Variants in DDIAS observed in about 807,000 individuals in gnomAD.
DDIAS encodes DNA damage induced apoptosis suppressor.
DDIAS carries 14 observed loss-of-function variants against 15.7 expected under a neutral mutation model. That is an observed-to-expected ratio of 0.89 (90% CI 0.59 to 1.39). DDIAS has a LOEUF of 1.39. Ranked by LOEUF, DDIAS falls within the 40% of genes most tolerant of loss-of-function variation. The pLI, the probability that DDIAS is intolerant of heterozygous loss-of-function variation, is 0.00. For missense variants in DDIAS, 1,035 were observed against 1,130.9 expected (o/e 0.92, Z 1.22); for synonymous variants, 355 against 395.9 (o/e 0.90, Z 1.23).
chr11:82,917,524 A>C (rs1023460290), intron 3 of DDIAS, among the ~76,000 whole-genome samples: 53 of 152,272 alleles, frequency 3.5e-4, no homozygotes, highest in African/African-American at 1.3e-3. Context: ...TATATACCAC[A>C]GTTTCTTTAT....
At chr11:82,915,455 T>C (rs1860612401) in intron 3 of DDIAS, among the ~76,000 whole-genome samples, 1 of 152,168 alleles carries the variant, frequency 6.6e-6, no homozygotes, top group Non-Finnish European at 1.5e-5. Flanking sequence ...AGTAAGTAAC[T>C]AGAACTATGT....
At chr11:82,919,353 T>A (rs1283705990) in intron 3 of DDIAS, among the ~76,000 whole-genome samples, 1 of 152,236 alleles carries the variant, frequency 6.6e-6, no homozygotes, top group Non-Finnish European at 1.5e-5. Flanking sequence ...ATTGAGATGA[T>A]CATGTGATTT....
intron 4 of DDIAS, among the ~76,000 whole-genome samples, chr11:82,929,945 T>C (rs1860948626): frequency 6.6e-6 from 1 of 152,206 alleles, no homozygotes; most frequent in South Asian, 2.1e-4. Context: ...GTTAGGCAGG[T>C]AACTACTTTA....
chr11:82,910,604 CTCTTTTTTTTTT>C (rs1274114376), intron 1 of DDIAS, among the ~76,000 whole-genome samples: 1 of 107,640 alleles, frequency 9.3e-6, no homozygotes, highest in Non-Finnish European at 1.7e-5. Flanking sequence ...CTCTCTCTCT[CTCTTTTTTTTTT>C]TTTTTTTTTT....
Position 82,932,962 on chromosome 11 carries a change from C to T in DDIAS, c.1624C>T (p.Leu542=). The change falls in exon 6 of 6, where the codon CTG becomes TTG. Residue 542 remains leucine, a synonymous_variant. Coordinates refer to ENST00000533655, the MANE Select transcript of DDIAS (RefSeq NM_145018.4). ...TTTACCGAATCCTTACCTGTCAGCTCTGTCTTCATCTTCAAAAGATTTAGA... is the reference window on the plus strand; with the variant it reads ...TTTACCGAATCCTTACCTGTCAGCTTTGTCTTCATCTTCAAAAGATTTAGA... ...YFLPNPYLSA[L]SSSSKDLETI... is the part of the protein sequence containing the mutation. The T allele has an allele frequency of 6.2e-7, 1 of 1,612,516 alleles. No individual in the cohort carries two copies. The highest frequency in any genetic ancestry group is 1.1e-5 in the South Asian group (1 of 90,988).
rs1196700862 is a variant in DDIAS at position 82,924,884 on chromosome 11, A to C, written c.114-3893A>C. ...GGTATTTTTTTAACTGGGATCAAAC[A>C]AAAAAGATAGCAAATTACAGCTATT... On this transcript the variant is annotated intron_variant, in intron 3 of 5. Coordinates refer to ENST00000533655, the MANE Select transcript of DDIAS (RefSeq NM_145018.4). Among the ~76,000 whole-genome samples, 3 of 152,194 alleles carry C rather than the reference A, an allele frequency of 2.0e-5. No homozygotes were observed. The East Asian group carries it at 5.8e-4, about 29-fold the overall frequency.
At chr11:82,906,418 A>G (rs1443902275) in intron 1 of DDIAS, among the ~76,000 whole-genome samples, 3 of 152,174 alleles carry the variant, frequency 2.0e-5, no homozygotes, top group African/African-American at 7.2e-5. Context: ...CTTTAAAAGT[A>G]TAGTAATAAG....
At chr11:82,905,181 T>G (rs1481007771) in intron 1 of DDIAS, among the ~76,000 whole-genome samples, 1 of 152,200 alleles carries the variant, frequency 6.6e-6, no homozygotes. Flanking sequence ...TTGACCTAGG[T>G]AATCCCTGGT....
intron 3 of DDIAS, among the ~76,000 whole-genome samples, chr11:82,921,332 C>G (rs1860740705): frequency 6.6e-6 from 1 of 152,020 alleles, no homozygotes; most frequent in African/African-American, 2.4e-5. Flanking sequence ...TATTCTGTAT[C>G]TTTTAAGTGG....
chr11:82,906,920 T>C (rs188332152), intron 1 of DDIAS, among the ~76,000 whole-genome samples: 1 of 152,188 alleles, frequency 6.6e-6, no homozygotes, highest in Non-Finnish European at 1.5e-5. Context: ...AAGATTAATA[T>C]CTGAAGTTCA....
intron 3 of DDIAS, among the ~76,000 whole-genome samples, chr11:82,926,110 C>G (rs543947466): frequency 1.8e-5 from 1 of 56,646 alleles, no homozygotes; most frequent in Non-Finnish European, 3.4e-5. Flanking sequence ...TTTTTTGAGA[C>G]AGGGTCTGGC....
rs1860991812 is a variant in DDIAS, at chr11:82,931,787, G to A, written c.449G>A (p.Cys150Tyr). 1.2e-6 allele frequency: 2 copies of A among 1,614,054 alleles called. No individual in the cohort carries two copies. The highest frequency in any genetic ancestry group is 1.7e-5 in the Admixed American group (1 of 59,990). ...GATGCCAGTAACTTCTTACAGCAAT[G>A]CTCTGACCACAAAAGAAAAGCCAAA... ...GSDASNFLQQ[C>Y]SDHKRKAKAL... is the part of the protein sequence containing the mutation. Residue 150 changes from cysteine (C) to tyrosine (Y), a missense_variant, in exon 6 of 6, where the codon TGC (cysteine) becomes TAC (tyrosine). Physicochemically the swap from Cys to Tyr is radical, Grantham distance 194. Coordinates refer to ENST00000533655, the MANE Select transcript of DDIAS (RefSeq NM_145018.4).
At chr11:82,928,504 G>A (rs1210250708) in intron 3 of DDIAS, among the ~76,000 whole-genome samples, 6 of 151,462 alleles carry the variant, frequency 4.0e-5, no homozygotes, top group Non-Finnish European at 7.4e-5. Flanking sequence ...CGGCCTTTTC[G>A]TCCTCTCTTT....
Position 82,932,255 on chromosome 11 carries a change from G to T in DDIAS, c.917G>T (p.Ser306Ile). 3 of 1,613,724 alleles carry T rather than the reference G, an allele frequency of 1.9e-6. No homozygotes were observed. The highest frequency in any genetic ancestry group is 2.5e-6 in the Non-Finnish European group (3 of 1,179,790). The change falls in exon 6 of 6, where the codon AGT becomes ATT. Residue 306 changes from serine to isoleucine, a missense_variant. Coordinates refer to ENST00000533655, the MANE Select transcript of DDIAS (RefSeq NM_145018.4). Reference protein sequence around the residue: ...WSLVSYMDKKSTAEKLGKELG... With the variant: ...WSLVSYMDKKITAEKLGKELG... ...CTTGTTTCATATATGGATAAAAAGA[G>T]TACAGCAGAAAAGTTGGGTAAAGAA...
intron 3 of DDIAS, among the ~76,000 whole-genome samples, chr11:82,918,085 G>T (rs553857248): frequency 6.6e-6 from 1 of 152,292 alleles, no homozygotes; most frequent in South Asian, 2.1e-4. Flanking sequence ...TCTGTGGGTT[G>T]TCTGTTCACT....
rs1861031730 is a variant in DDIAS at position 82,932,966 on chromosome 11, C to T, written c.1628C>T (p.Ser543Phe). The change falls in exon 6 of 6, where the codon TCT (serine) becomes TTT (phenylalanine). Residue 543 changes from serine to phenylalanine, a missense_variant. Coordinates refer to ENST00000533655, the MANE Select transcript of DDIAS (RefSeq NM_145018.4). ...FLPNPYLSAL[S>F]SSSKDLETIV... ...CCGAATCCTTACCTGTCAGCTCTGTCTTCATCTTCAAAAGATTTAGAAACA... is the reference window on the plus strand; with the variant it reads ...CCGAATCCTTACCTGTCAGCTCTGTTTTCATCTTCAAAAGATTTAGAAACA... 1.3e-5 allele frequency: 21 copies of T among 1,612,476 alleles called. No individual in the cohort carries two copies. The highest frequency in any genetic ancestry group is 1.7e-5 in the Non-Finnish European group (20 of 1,179,592).
chr11:82,920,754 C>A (rs568628159), intron 3 of DDIAS, among the ~76,000 whole-genome samples: 11 of 152,250 alleles, frequency 7.2e-5, no homozygotes, highest in African/African-American at 2.4e-4. Flanking sequence ...GATATGATTT[C>A]AATTTTCTTA....
Position 82,933,504 on chromosome 11 carries a change from A to T in DDIAS, c.2166A>T (p.Ser722=). 1 of 1,614,028 alleles carries T rather than the reference A, an allele frequency of 6.2e-7. No individual in the cohort carries two copies. Among genetic ancestry groups the T allele is most frequent in the Non-Finnish European group, 8.5e-7 (1 of 1,179,980 alleles). The stretch of plus-strand genomic sequence containing the variant: ...CAGAGTCTGATTTTTCACTGAGATC[A>T]CTTTCTGAAGACTTCATCCAGCCTT... ...HPSESDFSLR[S]LSEDFIQPSQ... The change falls in exon 6 of 6, where the codon TCA becomes TCT. Residue 722 remains serine (S), a synonymous_variant. Coordinates refer to ENST00000533655, the MANE Select transcript of DDIAS (RefSeq NM_145018.4).
rs767461646 is a variant in DDIAS at position 82,932,482 on chromosome 11, A to G, written c.1144A>G (p.Thr382Ala). ...TCAGCATCATGGTATAGATACCCCAACTAGCCTTCAGAAGAGATCTGCATG... is the reference window on the plus strand; with the variant it reads ...TCAGCATCATGGTATAGATACCCCAGCTAGCCTTCAGAAGAGATCTGCATG... ...CFQHHGIDTP[T>A]SLQKRSACCP... Residue 382 changes from threonine to alanine, a missense_variant, in exon 6 of 6, where the codon ACT becomes GCT. Thr to Ala is a moderately conservative substitution (Grantham distance 58, BLOSUM62 0). Coordinates refer to ENST00000533655, the MANE Select transcript of DDIAS (RefSeq NM_145018.4). 57 of 1,614,070 alleles carry G rather than the reference A, an allele frequency of 3.5e-5. No individual in the cohort carries two copies. The highest frequency in any genetic ancestry group is 1.2e-4 in the South Asian group (11 of 91,084).
Sources: gnomAD v4.1 joint callset for allele counts (sites outside exome capture counted in the v4.1 genomes callset) on GRCh38, gnomAD v4.1.1 for gene constraint, MANE v1.5 for transcripts, NCBI Gene and HGNC (gene_info 2026-07-23, HGNC 2026-07-21) for gene names.